OXNAD1: variants seen among roughly 807,000 people sequenced by gnomAD.
OXNAD1 encodes the protein oxidoreductase NAD binding domain containing 1, also known as oxidoreductase NAD-binding domain-containing protein 1.
In OXNAD1, 34 loss-of-function variants were observed where a neutral mutation model predicts 32.9. The ratio of observed to expected loss-of-function variants is 1.03; its 90% CI spans 0.79 to 1.38. The LOEUF (loss-of-function observed/expected upper bound fraction) is 1.38. OXNAD1 is among the 40% of genes most tolerant of loss of function. OXNAD1 has a pLI of 0.00. For missense variants in OXNAD1, 407 were observed against 379.4 expected (o/e 1.07, Z -0.60); for synonymous variants, 134 against 135.2 (o/e 0.99, Z 0.06).
chr3:16,310,234 G>A (rs559852210), downstream of OXNAD1, among the ~76,000 whole-genome samples: 6 of 152,234 alleles, frequency 3.9e-5, no homozygotes, highest in Admixed American at 6.5e-5. Flanking sequence ...ATTAACTTAC[G>A]CATTTTGTGG....
downstream of OXNAD1, among the ~76,000 whole-genome samples, chr3:16,337,634 C>T (rs1348726128): frequency 4.0e-5 from 6 of 150,520 alleles, no homozygotes; most frequent in South Asian, 2.1e-4. This position sits in a 1 kb window ranked among gnomAD's most constrained non-coding sequence, Gnocchi z 5.0. Context: ...CCCAGCTACT[C>T]GGGAGGCTGA....
At position 16,314,140 on chromosome 3, in the gene OXNAD1, A is replaced by C. The variant is rs2068167311; in HGVS notation, c.*30+10548A>C. Among the ~76,000 whole-genome samples the C allele has an allele frequency of 6.6e-6, 1 of 152,048 alleles. No homozygotes were observed. The highest frequency in any genetic ancestry group is 1.5e-5 in the Non-Finnish European group (1 of 67,998). ...CCCACTGTGACAGCTGCAGCCTCACAGACTTAACTGCCAAGTGCACAAGCT... is the reference window on the plus strand; with the variant it reads ...CCCACTGTGACAGCTGCAGCCTCACCGACTTAACTGCCAAGTGCACAAGCT... On this transcript the variant is annotated intron_variant, in intron 9 of 9. Coordinates refer to the OXNAD1 transcript ENST00000435829. The surrounding 1 kb of genome is among the most constrained non-coding windows in gnomAD (Gnocchi z 4.4).
Position 16,316,792 on chromosome 3 carries a change from G to C in OXNAD1, c.*30+13200G>C. ...CTGTTGGTAAGATGCCTTGGGTTTG[G>C]CAACTCACCTAGTTTTAGCACAAAT... On this transcript the variant is annotated intron_variant, in intron 9 of 9. Transcript: ENST00000435829. The surrounding 1 kb of genome is among the most constrained non-coding windows in gnomAD (Gnocchi z 4.5). 1 of 1,611,956 alleles carries C rather than the reference G, an allele frequency of 6.2e-7. No individual in the cohort carries two copies. The highest frequency in any genetic ancestry group is 8.5e-7 in the Non-Finnish European group (1 of 1,179,302).
chr3:16,347,267 G>A (rs1273781769), intron 9 of OXNAD1, among the ~76,000 whole-genome samples: 1 of 152,212 alleles, frequency 6.6e-6, no homozygotes, highest in Non-Finnish European at 1.5e-5. Context: ...GGGCAACCCT[G>A]GAGAGACGTC....
chr3:16,271,685 A>G lies in OXNAD1; in HGVS notation c.146A>G (p.Asp49Gly), dbSNP rs372120641. The change falls in exon 4 of 9, where the codon GAT (aspartate) becomes GGT (glycine). Residue 49 changes from aspartate to glycine, a missense_variant. Coordinates refer to ENST00000285083, the MANE Select transcript of OXNAD1 (RefSeq NM_138381.5). This position sits in a 1 kb window ranked among gnomAD's most constrained non-coding sequence, Gnocchi z 4.6. ...ATAATGAAATCCAAAAGGAAAACTGATCACATGGAGAGAACTGCAAGTGTC... is the reference window on the plus strand; with the variant it reads ...ATAATGAAATCCAAAAGGAAAACTGGTCACATGGAGAGAACTGCAAGTGTC... Reference protein sequence around the residue: ...TSIMKSKRKTDHMERTASVLR... With the variant: ...TSIMKSKRKTGHMERTASVLR... The G allele has an allele frequency of 6.2e-7, 1 of 1,606,816 alleles. No homozygotes were observed. Among genetic ancestry groups the G allele is most frequent in the Non-Finnish European group, 8.5e-7 (1 of 1,178,264 alleles).
Position 16,269,129 on chromosome 3 carries a change from C to T in OXNAD1, c.-155C>T. ...TATGTTGTTTGTGCCATTGCAGGAA[C>T]TTTGTGAGAATTTTAATGCATGGAA... is the stretch of plus-strand genomic sequence containing the variant. On this transcript the variant is annotated 5_prime_UTR_variant, in exon 2 of 9. Coordinates refer to ENST00000285083, the MANE Select transcript of OXNAD1 (RefSeq NM_138381.5). The T allele has an allele frequency of 6.8e-7, 1 of 1,480,556 alleles. No individual in the cohort carries two copies. Among genetic ancestry groups the T allele is most frequent in the Non-Finnish European group, 8.9e-7 (1 of 1,122,522 alleles). The allele number at this position is 1,480,556 out of a possible 1,614,324, so 91.7% of individuals were successfully genotyped here.
intron 9 of OXNAD1, chr3:16,347,601 G>C (rs1052861697): frequency 3.3e-5 from 5 of 152,180 alleles, no homozygotes; most frequent in African/African-American, 1.2e-4. Context: ...CTGTTACACA[G>C]ATGCATACCC....
chr3:16,283,536 C>T (rs748637026), intron 4 of OXNAD1, among the ~76,000 whole-genome samples: 2 of 152,178 alleles, frequency 1.3e-5, no homozygotes, highest in Non-Finnish European at 2.9e-5. Flanking sequence ...AATATTTAAC[C>T]TAGCATCTGG....
In OXNAD1 at chr3:16,298,548, G is replaced by A. The variant is rs560502515; in HGVS notation, c.433-3078G>A. The stretch of plus-strand genomic sequence containing the variant: ...GTTGCAAACAGCCTTTATGAAGTCA[G>A]ATTTTTCTTGGAATCATTTTCAGGT... On this transcript the variant is annotated intron_variant, in intron 6 of 8. Transcript: ENST00000285083. This position sits in a 1 kb window ranked among gnomAD's most constrained non-coding sequence, Gnocchi z 5.1. 6.6e-6 allele frequency among the ~76,000 whole-genome samples: 1 copy of A among 152,230 alleles called. No homozygotes were observed. The highest frequency in any genetic ancestry group is 1.5e-5 in the Non-Finnish European group (1 of 68,006).
chr3:16,272,297 T>C (rs963717509), intron 4 of OXNAD1: 3 of 339,886 alleles, frequency 8.8e-6, no homozygotes, highest in African/African-American at 4.5e-5. Context: ...GGCTGAGAAA[T>C]AAAGGATCCT....
At position 16,316,152 on chromosome 3, in the gene OXNAD1, C is replaced by T. The variant is rs1265313707; in HGVS notation, c.*30+12560C>T. ...CTGAGTACAAAACCTTTAAAAACAA[C>T]TTTTTGGCATTAATACTAACACAGA... On this transcript the variant is annotated intron_variant, in intron 9 of 9. Coordinates refer to the OXNAD1 transcript ENST00000435829. The surrounding 1 kb of genome is among the most constrained non-coding windows in gnomAD (Gnocchi z 4.5). 1 of 153,056 alleles carries T rather than the reference C, an allele frequency of 6.5e-6. No homozygotes were observed. The highest frequency in any genetic ancestry group is 6.5e-5 in the Admixed American group (1 of 15,290). The allele number at this position is 153,056 out of a possible 1,614,324, so 9.5% of individuals were successfully genotyped here. A position where few individuals can be genotyped will look rare whatever the true frequency, so the allele number is the denominator to read the frequency against.
At chr3:16,328,679 C>T (rs1365744859) in intron 9 of OXNAD1, among the ~76,000 whole-genome samples, 1 of 152,218 alleles carries the variant, frequency 6.6e-6, no homozygotes, top group Non-Finnish European at 1.5e-5. Flanking sequence ...TCTCAGGGCC[C>T]CATCCCAGAC....
In OXNAD1 at chr3:16,316,710, A is replaced by C; in HGVS notation, c.*30+13118A>C. ...TCAGGTGAGCTCACAAGGAGAGGTC[A>C]AGCCAAGCCAAAGGGTAGGTAACAC... On this transcript the variant is annotated intron_variant, in intron 9 of 9. Coordinates refer to the OXNAD1 transcript ENST00000435829. This position sits in a 1 kb window ranked among gnomAD's most constrained non-coding sequence, Gnocchi z 4.5. 7.8e-7 allele frequency: 1 copy of C among 1,278,654 alleles called. No homozygotes were observed. Among genetic ancestry groups the C allele is most frequent in the Non-Finnish European group, 1.1e-6 (1 of 894,418 alleles). The allele number at this position is 1,278,654 out of a possible 1,614,324, so 79.2% of individuals were successfully genotyped here. A position where few individuals can be genotyped will look rare whatever the true frequency, so the allele number is the denominator to read the frequency against.
In OXNAD1 at chr3:16,324,613, A is replaced by AC. The variant is rs111849488; in HGVS notation, c.*31-12490dup. 6.3e-3 allele frequency among the ~76,000 whole-genome samples: 568 copies of AC among 90,752 alleles called. 85 individuals are homozygous for AC. The highest frequency in any genetic ancestry group is 0.023 in the Middle Eastern group (4 of 172). 59.5% of individuals were successfully genotyped at this position (90,752 alleles called of 152,430 possible). On this transcript the variant is annotated intron_variant, in intron 9 of 9. Transcript: ENST00000435829. Reference sequence around the variant, plus strand: ...TGTAATAAATAACAGAATGTCCCTGACCCCCCCCCTTTTAAGGTTGCATAG... The same window carrying AC: ...TGTAATAAATAACAGAATGTCCCTGACCCCCCCCCCTTTTAAGGTTGCATAG...
intron 9 of OXNAD1, among the ~76,000 whole-genome samples, chr3:16,331,894 C>T (rs970554246): frequency 9.2e-5 from 14 of 152,188 alleles, no homozygotes; most frequent in East Asian, 3.8e-4. Context: ...TAGGTACAGA[C>T]GTCTGGGCTG....
Position 16,334,310 on chromosome 3 carries a change from G to C in OXNAD1, c.*31-2802G>C, listed in dbSNP as rs981017452. On this transcript the variant is annotated intron_variant, in intron 9 of 9. Transcript: ENST00000435829. This position sits in a 1 kb window ranked among gnomAD's most constrained non-coding sequence, Gnocchi z 4.3. ...AAGCATGCGTTCTTGTACATTGCTAGTGGAAGGGCTCATTGATTCAACCCT... is the reference window on the plus strand; with the variant it reads ...AAGCATGCGTTCTTGTACATTGCTACTGGAAGGGCTCATTGATTCAACCCT... Among the ~76,000 whole-genome samples, 1 of 152,220 alleles carries C rather than the reference G, an allele frequency of 6.6e-6. No individual in the cohort carries two copies. The highest frequency in any genetic ancestry group is 1.5e-5 in the Non-Finnish European group (1 of 68,032).
chr3:16,272,222 G>C (rs1247207927), intron 4 of OXNAD1: 1 of 436,540 alleles, frequency 2.3e-6, no homozygotes, highest in East Asian at 7.1e-5. Flanking sequence ...CCCTTCTAAT[G>C]TACAGATTTT....
In OXNAD1 at chr3:16,336,485, T is replaced by C. The variant is rs1254140596; in HGVS notation, c.*31-627T>C. Among the ~76,000 whole-genome samples the C allele has an allele frequency of 6.6e-6, 1 of 152,198 alleles. No homozygotes were observed. Among genetic ancestry groups the C allele is most frequent in the Admixed American group, 6.5e-5 (1 of 15,288 alleles). ...CCTCACCCTCAGCCTCCCAGGCCTC[T>C]GCGGGAGGGAGGGACAGGCACGCTG... On this transcript the variant is annotated intron_variant, in intron 9 of 9. Coordinates refer to the OXNAD1 transcript ENST00000435829. The surrounding 1 kb of genome is among the most constrained non-coding windows in gnomAD (Gnocchi z 6.0).
At position 16,301,577 on chromosome 3, in the gene OXNAD1, T is replaced by C; in HGVS notation, c.433-49T>C. Reference sequence around the variant, plus strand: ...TTTTATTAAAGTAGAACATTTGGTTTAAGACCTTTGCTACAAAAGACTAAA... The same window carrying C: ...TTTTATTAAAGTAGAACATTTGGTTCAAGACCTTTGCTACAAAAGACTAAA... On this transcript the variant is annotated intron_variant, in intron 6 of 8. Transcript: ENST00000285083. The surrounding 1 kb of genome is among the most constrained non-coding windows in gnomAD (Gnocchi z 4.1). 1 of 1,603,670 alleles carries C rather than the reference T, an allele frequency of 6.2e-7. No individual in the cohort carries two copies. Among genetic ancestry groups the C allele is most frequent in the Non-Finnish European group, 8.5e-7 (1 of 1,173,228 alleles).
Sources: gnomAD v4.1 joint callset for allele counts (sites outside exome capture counted in the v4.1 genomes callset) on GRCh38, gnomAD v4.1.1 for gene constraint, Gnocchi (gnomAD v3.1) non-coding constraint, MANE v1.5 for transcripts, NCBI Gene and HGNC (gene_info 2026-07-23, HGNC 2026-07-21) for gene names.